Variants in ABCB4 observed in about 807,000 individuals in gnomAD.
ABCB4 encodes the protein phosphatidylcholine translocator ABCB4.
ABCB4 carries 76 observed loss-of-function variants against 145.7 expected under a neutral mutation model. The observed-to-expected ratio is 0.52, with a 90% CI of 0.43 to 0.63. ABCB4 has a LOEUF of 0.63. Among genes scored for constraint, ABCB4 ranks in the 30% least tolerant of loss-of-function variants. ABCB4 has a pLI of 0.00. For missense variants in ABCB4, 1,234 were observed against 1,553.1 expected, an observed-to-expected ratio of 0.79 and a Z score of 3.45; for synonymous variants, 517 against 566.8, an observed-to-expected ratio of 0.91 and a Z score of 1.25.
intron 17 of ABCB4, chr7:87,423,517 C>A: frequency 3.2e-6 from 1 of 311,010 alleles, no homozygotes; most frequent in South Asian, 3.1e-5. Context: ...AGTCTATACC[C>A]AGTGCCTGGA....
At chr7:87,413,422 A>G (rs888354667) in intron 22 of ABCB4, among the ~76,000 whole-genome samples, 195 bp downstream of exon 22, 2 of 152,248 alleles carry the variant, frequency 1.3e-5, no homozygotes, top group African/African-American at 4.8e-5. Context: ...TGTTTGCATA[A>G]GATGTAAAAA....
intron 23 of ABCB4, 58 bp from the exon 24 acceptor site, chr7:87,409,450 G>T: frequency 6.4e-7 from 1 of 1,574,204 alleles, no homozygotes; most frequent in Non-Finnish European, 8.7e-7. Flanking sequence ...CATGATGTTT[G>T]AAAGTCTAAA....
intron 4 of ABCB4, among the ~76,000 whole-genome samples, chr7:87,454,826 T>C (rs1812004549): frequency 1.3e-5 from 2 of 152,216 alleles, no homozygotes; most frequent in African/African-American, 2.4e-5. Context: ...AAGGGGAAGA[T>C]AAGCCCTCCC....
chr7:87,402,049 T>C lies in ABCB4; in HGVS notation c.*47A>G. 1 of 1,602,054 alleles carries C rather than the reference T, an allele frequency of 6.2e-7. No individual in the cohort carries two copies. The highest frequency in any genetic ancestry group is 8.5e-7 in the Non-Finnish European group (1 of 1,170,998). ...AACTTATTTTACAAGTCAGATAAAA[T>C]GGTAGAATAATTTGAATTTATTTTT... is the stretch of plus-strand genomic sequence containing the variant. On this transcript the variant is annotated 3_prime_UTR_variant, in exon 28 of 28. Transcript: ENST00000649586.
Position 87,420,051 on chromosome 7 carries a change from C to T in ABCB4, c.2341G>A (p.Glu781Lys), listed in dbSNP as rs1401956029. ...GACCGCAGTCTTCTGGTGAGGATCT[C>T]GCCAGCTTTCCCAAACGTGAAACCC... is the stretch of plus-strand genomic sequence containing the variant. Reference protein sequence around the residue: ...LQGFTFGKAGEILTRRLRSMA... With the variant: ...LQGFTFGKAGKILTRRLRSMA... The change falls in exon 19 of 28, where the codon GAG (glutamate) becomes AAG (lysine). Residue 781 changes from glutamate (E) to lysine (K), a missense_variant. Glu to Lys is a moderately conservative substitution (Grantham distance 56). Coordinates refer to ENST00000649586, the MANE Select transcript of ABCB4 (RefSeq NM_000443.4). The T allele has an allele frequency of 3.7e-6, 6 of 1,614,118 alleles. No individual in the cohort carries two copies. The highest frequency in any genetic ancestry group is 1.7e-5 in the Admixed American group (1 of 60,018).
intron 3 of ABCB4, among the ~76,000 whole-genome samples, chr7:87,470,579 A>G (rs944342945): frequency 1.2e-4 from 19 of 152,346 alleles, no homozygotes; most frequent in African/African-American, 4.3e-4. Context: ...ACACTCCTCA[A>G]AAGAAGACAT....
In ABCB4 at chr7:87,452,970, G is replaced by A. The variant is rs1333657731; in HGVS notation, c.510C>T (p.Thr170=). ...QEIGWFDIND[T]TELNTRLTDD... is the part of the protein sequence containing the mutation. Reference sequence around the variant, plus strand: ...CTGTTAGCCGCGTATTGAGTTCAGTGGTGTCGTTGATGTCAAACCATCCTA... The same window carrying A: ...CTGTTAGCCGCGTATTGAGTTCAGTAGTGTCGTTGATGTCAAACCATCCTA... Residue 170 remains threonine, a synonymous_variant, in exon 6 of 28, where the codon ACC becomes ACT. Coordinates refer to ENST00000649586, the MANE Select transcript of ABCB4 (RefSeq NM_000443.4). 6.2e-7 allele frequency: 1 copy of A among 1,613,902 alleles called. No individual in the cohort carries two copies. Among genetic ancestry groups the A allele is most frequent in the Non-Finnish European group, 8.5e-7 (1 of 1,179,978 alleles).
At chr7:87,451,145 T>C (rs1811695523) in intron 7 of ABCB4, among the ~76,000 whole-genome samples, 1 of 151,910 alleles carries the variant, frequency 6.6e-6, no homozygotes, top group Admixed American at 6.6e-5. Context: ...GTGAATTTTT[T>C]TTTTTTTTGA....
At chr7:87,375,601 C>CT in the ABCB4 span, 1 of 1,543,874 alleles carries the variant, frequency 6.5e-7, no homozygotes. Flanking sequence ...TGCCTGTACT[C>CT]TTTTTTAATC....
the ABCB4 span, chr7:87,392,914 G>T: frequency 1.2e-6 from 2 of 1,612,714 alleles, no homozygotes; most frequent in Middle Eastern, 1.7e-4. Flanking sequence ...GCATCTGTAG[G>T]CCTAGTAAAA....
chr7:87,467,751 C>T (rs1300485674), intron 3 of ABCB4, among the ~76,000 whole-genome samples: 2 of 152,224 alleles, frequency 1.3e-5, no homozygotes, highest in African/African-American at 2.4e-5. Context: ...TCACTCAAAA[C>T]CGCTCAACTA....
At chr7:87,394,335 T>C in the ABCB4 span, among the ~76,000 whole-genome samples, 1 of 152,208 alleles carries the variant, frequency 6.6e-6, no homozygotes, top group Non-Finnish European at 1.5e-5. Flanking sequence ...TTTATTCTCA[T>C]GTATTTTTCA....
the ABCB4 span, chr7:87,393,139 T>C: frequency 6.8e-7 from 1 of 1,472,014 alleles, no homozygotes. Flanking sequence ...TTAAATGCCT[T>C]TCCTACACTG....
intron 15 of ABCB4, among the ~76,000 whole-genome samples, chr7:87,427,419 C>T (rs971396641): frequency 3.2e-4 from 48 of 152,178 alleles, no homozygotes; most frequent in African/African-American, 1.0e-3. Context: ...CTCATGCACA[C>T]AACGAGACCC....
chr7:87,375,839 TC>T, the ABCB4 span: 3 of 1,613,420 alleles, frequency 1.9e-6, no homozygotes, highest in African/African-American at 4.0e-5. Context: ...CACGAGAATA[TC>T]TGATTGGTCT....
At chr7:87,395,270 G>T in the ABCB4 span, among the ~76,000 whole-genome samples, 3 of 151,858 alleles carry the variant, frequency 2.0e-5, no homozygotes, top group Non-Finnish European at 2.9e-5. Flanking sequence ...GTCTTTTCAG[G>T]TTTTTCTGCC....
the ABCB4 span, chr7:87,392,936 T>G: frequency 1.9e-6 from 3 of 1,613,136 alleles, no homozygotes; most frequent in South Asian, 3.3e-5. Context: ...GTTCTTTTAT[T>G]GTGCCACACA....
rs1807949142 is a variant in ABCB4, at chr7:87,403,414, T to C, written c.3487-133A>G. ...GTTTCAACTTAACAGAGTGTTTATTTTCAAAATCAAACTAGAAAACTAGTG... is the reference window on the plus strand; with the variant it reads ...GTTTCAACTTAACAGAGTGTTTATTCTCAAAATCAAACTAGAAAACTAGTG... On this transcript the variant is annotated intron_variant, in intron 26 of 27. Transcript: ENST00000649586. The C allele has an allele frequency of 1.2e-5, 10 of 819,818 alleles. No homozygotes were observed. In the East Asian group the frequency reaches 2.5e-4, roughly 21 times the overall value. 50.8% of individuals were successfully genotyped at this position (819,818 alleles called of 1,614,324 possible).
intron 4 of ABCB4, among the ~76,000 whole-genome samples, chr7:87,459,446 C>A (rs947396459): frequency 1.3e-5 from 2 of 152,100 alleles, no homozygotes; most frequent in Non-Finnish European, 2.9e-5. Context: ...CCTCAAGGTT[C>A]ATCTATGACA....
Sources: gnomAD v4.1 joint callset for allele counts (sites outside exome capture counted in the v4.1 genomes callset) on GRCh38, gnomAD v4.1.1 for gene constraint, MANE v1.5 for transcripts, NCBI Gene and HGNC (gene_info 2026-07-23, HGNC 2026-07-21) for gene names.